The following TRA2A variants were observed in gnomAD, a reference collection of about 807,000 sequenced individuals.
TRA2A encodes the protein transformer-2 protein homolog alpha.
A neutral mutation model predicts 45.7 loss-of-function variants in TRA2A; 31 were observed. The observed-to-expected ratio is 0.68, with a 90% CI of 0.51 to 0.92. The LOEUF is 0.92. TRA2A is among the 40% of genes least tolerant of loss of function. The pLI is 0.00. For missense variants in TRA2A, 304 were observed against 367.5 expected (o/e 0.83, Z 1.41); for synonymous variants, 132 against 126.2 (o/e 1.05, Z -0.31).
intron 2 of TRA2A, among the ~76,000 whole-genome samples, chr7:23,517,940 TTTGA>T (rs1159672777): frequency 3.3e-5 from 5 of 151,282 alleles, no homozygotes; most frequent in African/African-American, 1.2e-4. Context: ...CAAAATCCTT[TTTGA>T]TTTTCTGCTA....
rs369686357 is a variant in TRA2A at position 23,524,475 on chromosome 7, C to T, written c.37-2635G>A. Among the ~76,000 whole-genome samples the T allele has an allele frequency of 3.0e-4, 46 of 152,156 alleles. No homozygotes were observed. The East Asian group carries it at 8.3e-3, about 28-fold the overall frequency. The stretch of plus-strand genomic sequence containing the variant: ...CTGGGATTACAGGTGTGAGCCACCG[C>T]GCCCGGCCAACATCAGATTTATTTT... On this transcript the variant is annotated intron_variant, in intron 1 of 7. Transcript: ENST00000297071.
intron 4 of TRA2A, among the ~76,000 whole-genome samples, chr7:23,512,648 C>T (rs372469521): frequency 6.6e-6 from 1 of 151,812 alleles, no homozygotes; most frequent in African/African-American, 2.4e-5. Context: ...TTAGTAGAGA[C>T]GGGGTTTCAC....
intron 4 of TRA2A, among the ~76,000 whole-genome samples, chr7:23,511,851 T>A (rs1789636040): frequency 6.6e-6 from 1 of 152,226 alleles, no homozygotes; most frequent in African/African-American, 2.4e-5. Flanking sequence ...AATTATCAAT[T>A]CTTTCCATGT....
At chr7:23,507,155 T>TCA (rs1330169514) in intron 5 of TRA2A, 1 of 429,958 alleles carries the variant, frequency 2.3e-6, no homozygotes. Context: ...AGAAAGAGTC[T>TCA]CACTCTGTTG....
intron 4 of TRA2A, among the ~76,000 whole-genome samples, chr7:23,510,326 T>C (rs949625782): frequency 1.3e-5 from 2 of 152,184 alleles, no homozygotes; most frequent in African/African-American, 4.8e-5. Flanking sequence ...AGTTAAGCTT[T>C]TTTTTCTTTT....
chr7:23,519,321 G>A (rs1350039309), intron 2 of TRA2A, among the ~76,000 whole-genome samples: 1 of 152,180 alleles, frequency 6.6e-6, no homozygotes, highest in Non-Finnish European at 1.5e-5. Flanking sequence ...TTGAACCAGA[G>A]AGGCAGACAT....
At position 23,530,772 on chromosome 7, in the gene TRA2A, A is replaced by G. The variant is rs552610189; in HGVS notation, c.36+1017T>C. Among the ~76,000 whole-genome samples the G allele has an allele frequency of 6.6e-5, 10 of 152,316 alleles. No homozygotes were observed. In the East Asian group the frequency reaches 1.9e-3, roughly 29 times the overall value. ...CTGAGCCCTCTTCGGTGGGGGATAGAGTGAGAAGAGAAATGGGAGAGGGCC... is the reference window on the plus strand; with the variant it reads ...CTGAGCCCTCTTCGGTGGGGGATAGGGTGAGAAGAGAAATGGGAGAGGGCC... On this transcript the variant is annotated intron_variant, in intron 1 of 7. Transcript: ENST00000297071.
chr7:23,515,043 A>G (rs565714031), intron 3 of TRA2A, among the ~76,000 whole-genome samples: 2 of 152,240 alleles, frequency 1.3e-5, no homozygotes, highest in East Asian at 3.9e-4. Flanking sequence ...TTTATATATA[A>G]CATAACTTGC....
intron 1 of TRA2A, among the ~76,000 whole-genome samples, chr7:23,523,939 C>T (rs1008361979): frequency 1.3e-5 from 2 of 152,222 alleles, no homozygotes; most frequent in Admixed American, 6.5e-5. Flanking sequence ...TTCATTTATG[C>T]TACTGTTGAA....
intron 2 of TRA2A, among the ~76,000 whole-genome samples, chr7:23,519,482 G>A (rs1790037030): frequency 1.3e-5 from 2 of 152,124 alleles, no homozygotes; most frequent in Non-Finnish European, 2.9e-5. Context: ...AATGAACCCA[G>A]GAGGTGGAGG....
chr7:23,505,947 C>T, intron 6 of TRA2A, 134 bp from the exon 7 acceptor site: 1 of 684,794 alleles, frequency 1.5e-6, no homozygotes. Context: ...TCTCTTTCTG[C>T]CAATGAGACC....
intron 3 of TRA2A, among the ~76,000 whole-genome samples, chr7:23,514,196 T>C (rs1324191703): frequency 6.6e-6 from 1 of 151,842 alleles, no homozygotes; most frequent in Non-Finnish European, 1.5e-5. Context: ...GCCTCCCAAG[T>C]AGACGGGATT....
intron 1 of TRA2A, among the ~76,000 whole-genome samples, chr7:23,525,392 T>C (rs924598019): frequency 3.3e-5 from 5 of 152,188 alleles, no homozygotes; most frequent in Admixed American, 6.5e-5. Context: ...AGTCAAGGAA[T>C]CCTACCATTT....
chr7:23,512,443 G>A (rs542945359), intron 4 of TRA2A, among the ~76,000 whole-genome samples: 1 of 152,272 alleles, frequency 6.6e-6, no homozygotes, highest in East Asian at 1.9e-4. Flanking sequence ...CTGGGCAACA[G>A]AGCAAAATCA....
chr7:23,531,183 C>G (rs1037702412), intron 1 of TRA2A: 12 of 985,348 alleles, frequency 1.2e-5, no homozygotes, highest in Non-Finnish European at 1.3e-5. Context: ...TGACTAACCA[C>G]TTCATTAGGC....
At chr7:23,514,050 T>C (rs891838573) in intron 3 of TRA2A, among the ~76,000 whole-genome samples, 5 of 152,114 alleles carry the variant, frequency 3.3e-5, no homozygotes, top group African/African-American at 1.2e-4. Flanking sequence ...CATTGATTTT[T>C]TTACTACGGC....
intron 2 of TRA2A, among the ~76,000 whole-genome samples, chr7:23,517,581 T>A (rs1301361592): frequency 6.9e-6 from 1 of 145,492 alleles, no homozygotes; most frequent in African/African-American, 2.5e-5. Flanking sequence ...TCCACACTTC[T>A]ATTTTAAAAA....
rs778496991 is a variant in TRA2A at position 23,516,610 on chromosome 7, T to C, written c.171-82A>G. 1.2e-5 allele frequency: 15 copies of C among 1,252,324 alleles called. No individual in the cohort carries two copies. In the African/African-American group the frequency reaches 1.8e-4, roughly 15 times the overall value. 77.6% of individuals were successfully genotyped at this position (1,252,324 alleles called of 1,614,324 possible). A position where few individuals can be genotyped will look rare whatever the true frequency, so the allele number is the denominator to read the frequency against. ...CCTCTTCCAAGAAGGTATACATATA[T>C]CCCTAACTATTCTCAGGTCCTTCCT... On this transcript the variant is annotated intron_variant, in intron 2 of 7. Transcript: ENST00000297071.
Position 23,521,981 on chromosome 7 carries a change from CAAT to C in TRA2A, c.37-144_37-142del, listed in dbSNP as rs1790156404. On this transcript the variant is annotated intron_variant, in intron 1 of 7. Transcript: ENST00000297071. ...ACACCCTCCAGAAAAAATTTCAGCT[CAAT>C]AATAACCCACTGTTAATACTGCTAA... The C allele has an allele frequency of 1.2e-5, 17 of 1,426,236 alleles. No homozygotes were observed. The Middle Eastern group carries it at 5.7e-4, about 47-fold the overall frequency. 88.3% of individuals were successfully genotyped at this position (1,426,236 alleles called of 1,614,324 possible).
Sources: allele counts gnomAD v4.1 joint callset (sites outside exome capture counted in the v4.1 genomes callset), GRCh38; gene constraint gnomAD v4.1.1; transcripts MANE v1.5; gene names NCBI Gene and HGNC (gene_info 2026-07-23, HGNC 2026-07-21).